The following COG5 variants were observed in gnomAD, a reference collection of about 807,000 sequenced individuals.
The protein encoded by COG5 is component of oligomeric golgi complex 5.
Under a neutral mutation model 110.4 loss-of-function variants are expected in COG5, and 86 were observed. The observed-to-expected ratio is 0.78, with a 90% confidence interval of 0.65 to 0.93. COG5 has a LOEUF of 0.93. Ranked by LOEUF, COG5 falls within the 40% of genes least tolerant of loss-of-function variation. COG5 has a pLI of 0.00. For synonymous variants in COG5, 360 were observed against 334.6 expected, an observed-to-expected ratio of 1.08 and a Z score of -0.83; for missense variants, 1,077 against 987.0, an observed-to-expected ratio of 1.09 and a Z score of -1.22.
At chr7:107,413,277 G>C (rs1338713853) in intron 6 of COG5, among the ~76,000 whole-genome samples, 1 of 151,920 alleles carries the variant, frequency 6.6e-6, no homozygotes. Flanking sequence ...GACCTCTTGA[G>C]TAGCTGGGCC....
At chr7:107,521,020 T>G (rs979717046) in intron 6 of COG5, among the ~76,000 whole-genome samples, 2 of 152,018 alleles carry the variant, frequency 1.3e-5, no homozygotes, top group African/African-American at 2.4e-5. Flanking sequence ...CTTCAACAAA[T>G]TGGACAACAA....
chr7:107,547,317 C>T (rs1016942432), intron 5 of COG5, among the ~76,000 whole-genome samples: 18 of 152,024 alleles, frequency 1.2e-4, no homozygotes, highest in African/African-American at 3.9e-4. Flanking sequence ...TGGTAAAATT[C>T]AACAACACAT....
At chr7:107,304,971 G>A (rs1033313883) in intron 11 of COG5, among the ~76,000 whole-genome samples, 3 of 152,166 alleles carry the variant, frequency 2.0e-5, no homozygotes, top group Non-Finnish European at 4.4e-5. Flanking sequence ...GATTATACTC[G>A]AGTGAAGAAG....
chr7:107,354,000 A>T (rs1040741113), intron 10 of COG5, among the ~76,000 whole-genome samples: 3 of 152,236 alleles, frequency 2.0e-5, no homozygotes, highest in Non-Finnish European at 4.4e-5. Flanking sequence ...ACTAAGTTTT[A>T]AAGTAAACCC....
intron 11 of COG5, among the ~76,000 whole-genome samples, chr7:107,320,572 G>C (rs2117047020): frequency 6.6e-6 from 1 of 152,270 alleles, no homozygotes; most frequent in East Asian, 1.9e-4. Flanking sequence ...ACCAGCCTAA[G>C]TCATGATGCA....
chr7:107,391,348 A>G (rs1371462884), intron 7 of COG5, among the ~76,000 whole-genome samples: 1 of 152,136 alleles, frequency 6.6e-6, no homozygotes, highest in Non-Finnish European at 1.5e-5. Context: ...ACCCCTGCAG[A>G]GTTCTAAGCA....
At chr7:107,270,066 G>C (rs1237198566) in intron 14 of COG5, among the ~76,000 whole-genome samples, 1 of 152,194 alleles carries the variant, frequency 6.6e-6, no homozygotes, top group Non-Finnish European at 1.5e-5. Flanking sequence ...TTGCCAGGCT[G>C]CTACTGCCTT....
intron 8 of COG5, among the ~76,000 whole-genome samples, chr7:107,362,745 C>T (rs1813233361): frequency 6.6e-6 from 1 of 151,086 alleles, no homozygotes; most frequent in Admixed American, 6.6e-5. Context: ...TGTAGGAAAC[C>T]ATCTTCACTA....
At chr7:107,316,196 A>G (rs1808722896) in intron 11 of COG5, among the ~76,000 whole-genome samples, 1 of 152,162 alleles carries the variant, frequency 6.6e-6, no homozygotes, top group Admixed American at 6.5e-5. Flanking sequence ...GTTTTGTTTT[A>G]TTTTTTATTA....
At chr7:107,559,538 T>C (rs1803610222) in intron 1 of COG5, among the ~76,000 whole-genome samples, 3 of 152,246 alleles carry the variant, frequency 2.0e-5, no homozygotes, top group Non-Finnish European at 2.9e-5. Context: ...ACCAGACACA[T>C]GGCAGGTTCC....
At position 107,520,932 on chromosome 7, in the gene COG5, G is replaced by A. The variant is rs113351778; in HGVS notation, c.538+6305C>T. On this transcript the variant is annotated intron_variant, in intron 6 of 21. Transcript: ENST00000297135. The stretch of plus-strand genomic sequence containing the variant: ...ACAGTAACCAAAACAGCATGGTCCT[G>A]GTACCAAAAGAGATATGTAACTAAT... Among the ~76,000 whole-genome samples, 522 of 152,194 alleles carry A rather than the reference G, an allele frequency of 3.4e-3. 3 individuals carry two copies. Among genetic ancestry groups the A allele is most frequent in the Non-Finnish European group, 6.2e-3 (423 of 68,002 alleles).
At chr7:107,542,873 T>C (rs1584950072) in intron 5 of COG5, among the ~76,000 whole-genome samples, 1 of 151,022 alleles carries the variant, frequency 6.6e-6, no homozygotes, top group South Asian at 2.1e-4. Flanking sequence ...CTTGGGAAGC[T>C]AAGGCAGGAG....
At chr7:107,519,280 A>T (rs938867614) in intron 6 of COG5, among the ~76,000 whole-genome samples, 2 of 152,210 alleles carry the variant, frequency 1.3e-5, no homozygotes, top group Non-Finnish European at 2.9e-5. Flanking sequence ...AGCTAGCAGA[A>T]GACAAGAAAT....
At chr7:107,541,572 ATGAAAT>A (rs1185155439) in intron 5 of COG5, among the ~76,000 whole-genome samples, 2 of 145,056 alleles carry the variant, frequency 1.4e-5, no homozygotes, top group East Asian at 4.0e-4. Context: ...ATTTATATAA[ATGAAAT>A]TGAAATATAA....
chr7:107,385,404 C>T (rs1790114596), intron 7 of COG5, among the ~76,000 whole-genome samples: 1 of 152,154 alleles, frequency 6.6e-6, no homozygotes, highest in Admixed American at 6.5e-5. Flanking sequence ...ATGACAGCCC[C>T]AGGAAACCAA....
intron 6 of COG5, among the ~76,000 whole-genome samples, chr7:107,512,720 C>A (rs1300313575): frequency 6.6e-6 from 1 of 152,138 alleles, no homozygotes; most frequent in Non-Finnish European, 1.5e-5. Context: ...TGGAACAGAA[C>A]AGAGCCCTCA....
At chr7:107,303,019 A>C (rs541639703) in intron 11 of COG5, among the ~76,000 whole-genome samples, 1 of 152,326 alleles carries the variant, frequency 6.6e-6, no homozygotes, top group South Asian at 2.1e-4. Context: ...TCTTCAAAGC[A>C]CGTTTGGTAC....
intron 14 of COG5, among the ~76,000 whole-genome samples, chr7:107,268,134 A>G (rs1803950913): frequency 6.6e-6 from 1 of 151,954 alleles, no homozygotes; most frequent in Admixed American, 6.6e-5. Flanking sequence ...ACGCCTGGCT[A>G]ATTTTGTAGT....
chr7:107,235,248 T>C (rs1404302139), intron 18 of COG5, among the ~76,000 whole-genome samples: 2 of 152,182 alleles, frequency 1.3e-5, no homozygotes, highest in Admixed American at 6.5e-5. Flanking sequence ...CTTTCCTCCA[T>C]GTAGAAATAA....
Sources: allele counts gnomAD v4.1 joint callset (sites outside exome capture counted in the v4.1 genomes callset), GRCh38; gene constraint gnomAD v4.1.1; transcripts MANE v1.5; gene names NCBI Gene and HGNC (gene_info 2026-07-23, HGNC 2026-07-21).